Variants in NT5DC4 observed in about 807,000 individuals in gnomAD.
NT5DC4 encodes 5'-nucleotidase domain containing 4, also known as 5'-nucleotidase domain-containing protein 4.
A neutral mutation model predicts 26.6 loss-of-function variants in NT5DC4; 44 were observed. The ratio of observed to expected loss-of-function variants is 1.65; its 90% CI spans 1.30 to 2.13. The LOEUF (loss-of-function observed/expected upper bound fraction) is 2.13, where lower values mean the gene tolerates loss of function less well. Among genes scored for constraint, NT5DC4 ranks in the 30% most tolerant of loss-of-function variants. NT5DC4 has a pLI of 0.00. For synonymous variants in NT5DC4, 157 were observed against 86.7 expected, an observed-to-expected ratio of 1.81 and a Z score of -4.51; for missense variants, 399 against 228.1, an observed-to-expected ratio of 1.75 and a Z score of -4.83.
upstream of NT5DC4, among the ~76,000 whole-genome samples, chr2:112,719,974 C>CTTTCTTT (rs1553430372): frequency 1.3e-5 from 1 of 79,670 alleles, no homozygotes; most frequent in East Asian, 3.2e-4. Context: ...TTCTTTCTTT[C>CTTTCTTT]TTTCTTTCTT....
chr2:112,719,168 G>A (rs1202801023), upstream of NT5DC4, among the ~76,000 whole-genome samples: 1 of 152,210 alleles, frequency 6.6e-6, no homozygotes, highest in Non-Finnish European at 1.5e-5. Context: ...CTCCTAGCCA[G>A]CATCACCACA....
chr2:112,722,786 C>T lies in NT5DC4; in HGVS notation c.527+15C>T, dbSNP rs554226607. The T allele has an allele frequency of 4.5e-5, 32 of 717,534 alleles. No homozygotes were observed. In the East Asian group the frequency reaches 8.3e-4, roughly 19 times the overall value. The allele number at this position is 717,534 out of a possible 1,614,324, so 44.4% of individuals were successfully genotyped here. A position where few individuals can be genotyped will look rare whatever the true frequency, so the allele number is the denominator to read the frequency against. On this transcript the variant is annotated intron_variant, in intron 6 of 16. Transcript: ENST00000688554. Reference sequence around the variant, plus strand: ...CGTTACACTAAGTGCGTCTTGTGCCCTGCCCAGCCCTGGGACGACCAGTAG... The same window carrying T: ...CGTTACACTAAGTGCGTCTTGTGCCTTGCCCAGCCCTGGGACGACCAGTAG...
intron 14 of NT5DC4, among the ~76,000 whole-genome samples, 175 bp downstream of exon 14, chr2:112,726,464 G>A (rs1166858707): frequency 6.6e-6 from 1 of 152,134 alleles, no homozygotes; most frequent in African/African-American, 2.4e-5. Flanking sequence ...ACCCCCTTGG[G>A]ACTGCTCACA....
downstream of NT5DC4, among the ~76,000 whole-genome samples, chr2:112,739,364 T>G (rs1226347392): frequency 6.6e-6 from 1 of 152,136 alleles, no homozygotes; most frequent in African/African-American, 2.4e-5. Flanking sequence ...AAGGCTGCAG[T>G]GAGCTATGAT....
At chr2:112,719,988 T>TTCTTTC (rs1431664866), upstream of NT5DC4, among the ~76,000 whole-genome samples, 1 of 121,178 alleles carries the variant, frequency 8.3e-6, no homozygotes, top group African/African-American at 3.5e-5. Flanking sequence ...CTTTCTTTCT[T>TTCTTTC]TTTCTTTTCT....
Position 112,722,187 on chromosome 2 carries a change from C to T in NT5DC4, c.271C>T (p.Leu91=). Residue 91 remains leucine (L), a synonymous_variant, in exon 4 of 17, where the codon CTG becomes TTG. Transcript: ENST00000688554. ...CCCCCGACCCCCCGTCTGCAGGCGGCTGGTGTTCGATGAACTCTATGGGAA... is the reference window on the plus strand; with the variant it reads ...CCCCCGACCCCCCGTCTGCAGGCGGTTGGTGTTCGATGAACTCTATGGGAA... ...TYDPTFPTRR[L]VFDELYGNLL... is the part of the protein sequence containing the mutation. The T allele has an allele frequency of 1.4e-6, 1 of 716,938 alleles. No individual in the cohort carries two copies. The allele number at this position is 716,938 out of a possible 1,614,324, so 44.4% of individuals were successfully genotyped here. A position where few individuals can be genotyped will look rare whatever the true frequency, so the allele number is the denominator to read the frequency against.
At chr2:112,725,737 C>T (rs761859664) in intron 13 of NT5DC4, among the ~76,000 whole-genome samples, 185 bp downstream of exon 13, 2 of 152,156 alleles carry the variant, frequency 1.3e-5, no homozygotes, top group Non-Finnish European at 2.9e-5. Context: ...GCGGCCTGCC[C>T]GAAGTCACAC....
chr2:112,724,920 C>T lies in NT5DC4; in HGVS notation c.915+14C>T. 4.2e-6 allele frequency: 3 copies of T among 716,388 alleles called. No homozygotes were observed. The highest frequency in any genetic ancestry group is 7.8e-6 in the Non-Finnish European group (3 of 384,838). The allele number at this position is 716,388 out of a possible 1,614,324, so 44.4% of individuals were successfully genotyped here. On this transcript the variant is annotated intron_variant, in intron 11 of 16. Transcript: ENST00000688554. ...GCAGGTGCAGAGGTCAGTCCACCTG[C>T]ACCCATGGACCACGGTTGGGGAGGG...
At chr2:112,719,755 A>T (rs902112622), upstream of NT5DC4, among the ~76,000 whole-genome samples, 2 of 151,538 alleles carry the variant, frequency 1.3e-5, no homozygotes, top group African/African-American at 4.8e-5. Context: ...AAGTGCTGGG[A>T]TTACAGGTGT....
chr2:112,742,431 G>A (rs930017820), downstream of NT5DC4: 2 of 717,532 alleles, frequency 2.8e-6, no homozygotes, highest in African/African-American at 3.5e-5. Context: ...GCAAAGAGCT[G>A]TTTGTCTTCT....
chr2:112,742,567 C>G, downstream of NT5DC4: 1 of 711,586 alleles, frequency 1.4e-6, no homozygotes, highest in Non-Finnish European at 2.6e-6. Flanking sequence ...ATGACAATGG[C>G]TGAAAGGGCC....
intron 16 of NT5DC4, among the ~76,000 whole-genome samples, chr2:112,733,869 T>A (rs973130815): frequency 6.6e-6 from 1 of 152,150 alleles, no homozygotes; most frequent in African/African-American, 2.4e-5. Context: ...TGACAGTACT[T>A]TGGCTGTCAC....
chr2:112,720,921 C>T (rs1558717470), upstream of NT5DC4, among the ~76,000 whole-genome samples: 1 of 152,236 alleles, frequency 6.6e-6, no homozygotes, highest in Non-Finnish European at 1.5e-5. Flanking sequence ...TGGCTGACTC[C>T]TCCCTCAAAG....
intron 16 of NT5DC4, among the ~76,000 whole-genome samples, chr2:112,734,167 A>ATGTGTGTGTGTG (rs1380428965): frequency 0.021 from 113 of 5,258 alleles, no homozygotes; most frequent in Middle Eastern, 0.25. Flanking sequence ...GCTATTATAT[A>ATGTGTGTGTGTG]TATGTGTGTG....
upstream of NT5DC4, among the ~76,000 whole-genome samples, chr2:112,719,144 G>T (rs759655438): frequency 6.6e-6 from 1 of 152,172 alleles, no homozygotes; most frequent in Non-Finnish European, 1.5e-5. Context: ...TCGGCTGCAG[G>T]GTACAGCCTA....
chr2:112,741,536 G>A (rs1336776128), downstream of NT5DC4, among the ~76,000 whole-genome samples: 1 of 152,206 alleles, frequency 6.6e-6, no homozygotes, highest in African/African-American at 2.4e-5. Flanking sequence ...GACTGTGCCA[G>A]GCACACTGTG....
downstream of NT5DC4, among the ~76,000 whole-genome samples, chr2:112,739,525 T>C (rs1050497152): frequency 2.0e-5 from 3 of 152,242 alleles, no homozygotes; most frequent in East Asian, 3.8e-4. Flanking sequence ...TGAAGTGTGG[T>C]TTTTATTTGA....
downstream of NT5DC4, chr2:112,742,342 T>C: frequency 1.4e-6 from 1 of 715,320 alleles, no homozygotes; most frequent in Non-Finnish European, 2.6e-6. Context: ...AACACAAATT[T>C]AGATGAGTAT....
At chr2:112,732,866 C>CCTCG (rs1458391628) in intron 16 of NT5DC4, among the ~76,000 whole-genome samples, 1 of 152,112 alleles carries the variant, frequency 6.6e-6, no homozygotes, top group Non-Finnish European at 1.5e-5. Context: ...CTCTTTAGTC[C>CCTCG]CTCGCTCATA....
Sources: gnomAD v4.1 joint callset for allele counts (sites outside exome capture counted in the v4.1 genomes callset) on GRCh38, gnomAD v4.1.1 for gene constraint, MANE v1.5 for transcripts, NCBI Gene and HGNC (gene_info 2026-07-23, HGNC 2026-07-21) for gene names.